ASH1L: variants seen among roughly 807,000 people sequenced by gnomAD.
The protein encoded by ASH1L is ASH1 like histone lysine methyltransferase.
Under a neutral mutation model 269.0 loss-of-function variants are expected in ASH1L, and 23 were observed. The observed-to-expected ratio is 0.09, with a 90% CI of 0.06 to 0.12. The LOEUF (loss-of-function observed/expected upper bound fraction) is 0.12. Ranked by LOEUF, ASH1L falls within the 10% of genes least tolerant of loss-of-function variation. The probability of loss-of-function intolerance (pLI) is 1.00; values close to 1 mark genes in which losing one functional copy is unlikely to be tolerated. For synonymous variants in ASH1L, 1,187 were observed against 1,253.5 expected (o/e 0.95, Z 1.12); for missense variants, 2,912 against 3,567.8 (o/e 0.82, Z 4.68).
At chr1:155,551,850 C>T (rs1341441145) in intron 1 of ASH1L, among the ~76,000 whole-genome samples, 1 of 150,020 alleles carries the variant, frequency 6.7e-6, no homozygotes, top group Non-Finnish European at 1.5e-5. Context: ...GTGGCGGGCG[C>T]CTGTAATCCC....
rs371702359 is a variant in ASH1L at position 155,378,525 on chromosome 1, T to G, written c.6201A>C (p.Pro2067=). 6.2e-6 allele frequency: 10 copies of G among 1,613,262 alleles called. No individual in the cohort carries two copies. Among genetic ancestry groups the G allele is most frequent in the Non-Finnish European group, 8.5e-6 (10 of 1,179,708 alleles). Residue 2067 remains proline (P), a synonymous_variant, in exon 9 of 28, where the codon CCA becomes CCC. Coordinates refer to ENST00000392403, the MANE Select transcript of ASH1L (RefSeq NM_018489.3). ...HNQLYKKPDV[P]LYKKIRSNVY... is the part of the protein sequence containing the mutation. ...CACTTGAACGAATTTTCTTATATAG[T>G]GGGACATCTGGCTTTTTGTATAGCT...
At chr1:155,487,718 T>C (rs1357701937) in intron 2 of ASH1L, among the ~76,000 whole-genome samples, 1 of 151,938 alleles carries the variant, frequency 6.6e-6, no homozygotes, top group Non-Finnish European at 1.5e-5. Flanking sequence ...GGTTGTCCCA[T>C]ATGGCTGAGT....
chr1:155,477,702 A>C (rs1665662290), intron 3 of ASH1L, among the ~76,000 whole-genome samples, 184 bp downstream of exon 3: 1 of 152,184 alleles, frequency 6.6e-6, no homozygotes, highest in South Asian at 2.1e-4. Context: ...CTCAAAACAA[A>C]AAAATAATAT....
chr1:155,367,460 T>C (rs1381785569), intron 12 of ASH1L, among the ~76,000 whole-genome samples: 2 of 152,202 alleles, frequency 1.3e-5, no homozygotes, highest in African/African-American at 4.8e-5. Flanking sequence ...CGAATAATGG[T>C]AGTTAAATTT....
intron 5 of ASH1L, among the ~76,000 whole-genome samples, chr1:155,424,686 C>T (rs1194815677): frequency 1.3e-5 from 2 of 152,182 alleles, no homozygotes; most frequent in African/African-American, 4.8e-5. Flanking sequence ...GAATTACAAG[C>T]ATAAACTACC....
intron 4 of ASH1L, among the ~76,000 whole-genome samples, chr1:155,440,996 T>G (rs987821529): frequency 6.6e-6 from 1 of 152,124 alleles, no homozygotes; most frequent in Non-Finnish European, 1.5e-5. Flanking sequence ...TCCTTCACCC[T>G]CCCCACAAAT....
intron 5 of ASH1L, among the ~76,000 whole-genome samples, chr1:155,432,570 AGT>A (rs1661689869): frequency 6.6e-6 from 1 of 152,154 alleles, no homozygotes; most frequent in Non-Finnish European, 1.5e-5. Flanking sequence ...CTGGGAACTC[AGT>A]GTGTCATGTC....
At chr1:155,517,642 A>AAAACAAAC (rs143180872) in intron 2 of ASH1L, among the ~76,000 whole-genome samples, 4 of 150,368 alleles carry the variant, frequency 2.7e-5, no homozygotes, top group East Asian at 2.0e-4. Context: ...GACTCCATCT[A>AAAACAAAC]AAACAAACAA....
At chr1:155,485,484 C>A (rs1476484384) in intron 2 of ASH1L, among the ~76,000 whole-genome samples, 1 of 151,986 alleles carries the variant, frequency 6.6e-6, no homozygotes, top group Non-Finnish European at 1.5e-5. Flanking sequence ...TCTTGCCCAG[C>A]AAAAGAAAGT....
At chr1:155,436,155 T>C (rs1345737074) in intron 5 of ASH1L, among the ~76,000 whole-genome samples, 1 of 152,160 alleles carries the variant, frequency 6.6e-6, no homozygotes, top group Non-Finnish European at 1.5e-5. Context: ...TTGCCCTATA[T>C]TTTCTCCTAA....
At chr1:155,546,945 CTTTTTTTTTTT>C (rs71080709) in intron 1 of ASH1L, among the ~76,000 whole-genome samples, 5 of 88,162 alleles carry the variant, frequency 5.7e-5, no homozygotes, top group Admixed American at 4.6e-4. Flanking sequence ...TCATCACATT[CTTTTTTTTTTT>C]TTTTTTTTTT....
At chr1:155,400,262 G>C (rs1350422912) in intron 6 of ASH1L, among the ~76,000 whole-genome samples, 1 of 151,866 alleles carries the variant, frequency 6.6e-6, no homozygotes, top group Non-Finnish European at 1.5e-5. Flanking sequence ...AATCTAGGAG[G>C]CAGAGGTTGT....
intron 1 of ASH1L, among the ~76,000 whole-genome samples, chr1:155,533,137 A>C (rs1669804352): frequency 6.6e-6 from 1 of 152,040 alleles, no homozygotes; most frequent in Non-Finnish European, 1.5e-5. Context: ...CTATTCAGCA[A>C]AACAATATAA....
intron 5 of ASH1L, among the ~76,000 whole-genome samples, chr1:155,435,811 G>T (rs369379769): frequency 6.6e-6 from 1 of 152,208 alleles, no homozygotes; most frequent in Non-Finnish European, 1.5e-5. Flanking sequence ...AGCACTTTGG[G>T]AGGCTGAGAC....
chr1:155,537,995 CATTTTTTAAATTTTTTAATTTTTATTT>C (rs1670169432), intron 1 of ASH1L, among the ~76,000 whole-genome samples: 1 of 151,910 alleles, frequency 6.6e-6, no homozygotes, highest in African/African-American at 2.4e-5. Flanking sequence ...AATATTTTGG[CATTTTTTAAATTTTTTAATTTTTATTT>C]ATTTTTTATT....
intron 5 of ASH1L, among the ~76,000 whole-genome samples, chr1:155,420,156 T>TAAAATAC (rs1378033224): frequency 1.3e-5 from 2 of 151,036 alleles, no homozygotes; most frequent in Non-Finnish European, 3.0e-5. Context: ...CGTCTCTACT[T>TAAAATAC]AAAATACAAA....
At chr1:155,363,432 C>T (rs1655141039) in intron 12 of ASH1L, among the ~76,000 whole-genome samples, 1 of 151,410 alleles carries the variant, frequency 6.6e-6, no homozygotes, top group African/African-American at 2.4e-5. Flanking sequence ...TTAGTAAAGA[C>T]AGGGTTTAGC....
chr1:155,496,078 ACTTT>A (rs1489467761), intron 2 of ASH1L, among the ~76,000 whole-genome samples: 1 of 152,196 alleles, frequency 6.6e-6, no homozygotes, highest in African/African-American at 2.4e-5. Flanking sequence ...ACATTTTTTT[ACTTT>A]CTGACTCTTT....
intron 15 of ASH1L, among the ~76,000 whole-genome samples, chr1:155,354,955 T>C (rs1654241002): frequency 6.6e-6 from 1 of 152,180 alleles, no homozygotes; most frequent in Non-Finnish European, 1.5e-5. Flanking sequence ...GGATCAGCTA[T>C]AACAAGGAGA....
Sources: gnomAD v4.1 joint callset for allele counts (sites outside exome capture counted in the v4.1 genomes callset) on GRCh38, gnomAD v4.1.1 for gene constraint, MANE v1.5 for transcripts, NCBI Gene and HGNC (gene_info 2026-07-23, HGNC 2026-07-21) for gene names.